Variants in SDK1 observed in about 807,000 individuals in gnomAD.
SDK1 encodes the protein sidekick cell adhesion molecule 1, also known as protein sidekick-1.
SDK1 carries 157 observed loss-of-function variants against 245.5 expected under a neutral mutation model. The observed-to-expected ratio is 0.64, with a 90% CI of 0.56 to 0.73. The LOEUF is 0.73. Among genes scored for constraint, SDK1 ranks in the 30% least tolerant of loss-of-function variants. SDK1 has a pLI of 0.00. For synonymous variants in SDK1, 1,647 were observed against 1,278.5 expected (o/e 1.29, Z -6.15); for missense variants, 3,583 against 3,002.3 (o/e 1.19, Z -4.52).
intron 9 of SDK1, among the ~76,000 whole-genome samples, chr7:3,965,857 C>T (rs972409093): frequency 2.0e-5 from 3 of 151,840 alleles, no homozygotes; most frequent in African/African-American, 4.8e-5. Context: ...TGGGGACATG[C>T]GCATTGCATG....
intron 5 of SDK1, among the ~76,000 whole-genome samples, chr7:3,904,049 G>T (rs1781882823): frequency 6.6e-6 from 1 of 152,066 alleles, no homozygotes; most frequent in Admixed American, 6.5e-5. Context: ...CATCAGAATT[G>T]TGAGCCAACT....
chr7:4,242,380 G>A (rs1786584692), intron 43 of SDK1, among the ~76,000 whole-genome samples: 1 of 152,156 alleles, frequency 6.6e-6, no homozygotes. Context: ...TCCATACACG[G>A]ATTGAGTGCA....
At chr7:3,798,754 G>A (rs552520213) in intron 4 of SDK1, among the ~76,000 whole-genome samples, 1 of 152,270 alleles carries the variant, frequency 6.6e-6, no homozygotes, top group East Asian at 1.9e-4. Flanking sequence ...CCACATGCAA[G>A]GGGAGAGTAG....
chr7:4,265,019 A>C lies in SDK1; in HGVS notation c.6382-105A>C. On this transcript the variant is annotated intron_variant, in intron 44 of 44. Coordinates refer to ENST00000404826, the MANE Select transcript of SDK1 (RefSeq NM_152744.4). Reference sequence around the variant, plus strand: ...GGTGGGGAGAGGGCTGGAGACCGCGACACACGCCCCTGGGGAGGTGCCCCC... The same window carrying C: ...GGTGGGGAGAGGGCTGGAGACCGCGCCACACGCCCCTGGGGAGGTGCCCCC... 2 of 1,495,310 alleles carry C rather than the reference A, an allele frequency of 1.3e-6. 1 individual carries two copies. The highest frequency in any genetic ancestry group is 2.6e-5 in the South Asian group (2 of 77,634). 92.6% of individuals were successfully genotyped at this position (1,495,310 alleles called of 1,614,324 possible). A position where few individuals can be genotyped will look rare whatever the true frequency, so the allele number is the denominator to read the frequency against.
intron 5 of SDK1, among the ~76,000 whole-genome samples, chr7:3,889,861 T>C (rs552039851): frequency 1.3e-5 from 2 of 152,308 alleles, no homozygotes; most frequent in African/African-American, 4.8e-5. Context: ...ACTAGTCTCC[T>C]GCTGGTCTGT....
chr7:3,895,889 T>C (rs1200169395), intron 5 of SDK1, among the ~76,000 whole-genome samples: 1 of 152,218 alleles, frequency 6.6e-6, no homozygotes, highest in Non-Finnish European at 1.5e-5. Flanking sequence ...TTGGCGATTT[T>C]CCAGATAACT....
chr7:3,994,746 C>T (rs1319306194), intron 14 of SDK1, among the ~76,000 whole-genome samples: 1 of 152,158 alleles, frequency 6.6e-6, no homozygotes, highest in Non-Finnish European at 1.5e-5. Flanking sequence ...TTACCTCATG[C>T]ATTTTTATCA....
chr7:3,400,838 A>T (rs1415121729), intron 1 of SDK1, among the ~76,000 whole-genome samples: 1 of 152,202 alleles, frequency 6.6e-6, no homozygotes, highest in African/African-American at 2.4e-5. Flanking sequence ...ACAGAGCTTT[A>T]TAAAGGAGCT....
chr7:3,732,341 C>G (rs1055866065), intron 4 of SDK1, among the ~76,000 whole-genome samples: 8 of 152,136 alleles, frequency 5.3e-5, no homozygotes, highest in Non-Finnish European at 1.0e-4. Context: ...CAAAAAACAG[C>G]CACCATGTTA....
intron 40 of SDK1, among the ~76,000 whole-genome samples, chr7:4,224,551 A>T (rs1046771504): frequency 3.3e-5 from 5 of 152,200 alleles, no homozygotes; most frequent in African/African-American, 1.2e-4. Context: ...AACACCGGGG[A>T]CGATAATTCA....
intron 22 of SDK1, among the ~76,000 whole-genome samples, chr7:4,092,259 A>T (rs1781854023): frequency 6.6e-6 from 1 of 152,228 alleles, no homozygotes; most frequent in African/African-American, 2.4e-5. Context: ...GAAACCTGCC[A>T]GCCCCTGAGG....
chr7:3,323,156 CCCT>C (rs1248971528), intron 1 of SDK1, among the ~76,000 whole-genome samples: 1 of 152,056 alleles, frequency 6.6e-6, no homozygotes, highest in Non-Finnish European at 1.5e-5. Flanking sequence ...TCTCCTAGCC[CCCT>C]TCCCCCACTC....
chr7:3,515,075 C>G (rs867992992), intron 1 of SDK1, among the ~76,000 whole-genome samples: 2 of 151,866 alleles, frequency 1.3e-5, no homozygotes, highest in African/African-American at 4.8e-5. Flanking sequence ...AGATATTCTG[C>G]GGGTAGAAGG....
intron 22 of SDK1, among the ~76,000 whole-genome samples, chr7:4,085,161 A>T (rs919301893): frequency 6.6e-6 from 1 of 152,212 alleles, no homozygotes; most frequent in African/African-American, 2.4e-5. Flanking sequence ...TTGTATTAAG[A>T]GGTTCAACCT....
chr7:3,689,271 C>T (rs1369585249), intron 4 of SDK1, among the ~76,000 whole-genome samples: 1 of 152,198 alleles, frequency 6.6e-6, no homozygotes, highest in Non-Finnish European at 1.5e-5. Flanking sequence ...TGATTCACCT[C>T]TCCCACAAAG....
intron 15 of SDK1, 113 bp from the exon 16 acceptor site, chr7:4,011,982 C>A: frequency 1.0e-6 from 1 of 970,472 alleles, no homozygotes; most frequent in Non-Finnish European, 1.4e-6. Flanking sequence ...TTCCTGAAAC[C>A]CGATTTTTGT....
rs141120476 is a variant in SDK1 at position 3,711,846 on chromosome 7, C to G, written c.713+69741C>G. On this transcript the variant is annotated intron_variant, in intron 4 of 44. Coordinates refer to ENST00000404826, the MANE Select transcript of SDK1 (RefSeq NM_152744.4). The stretch of plus-strand genomic sequence containing the variant: ...GGGGCGTTGTGATCTTTTGATTTGA[C>G]TCCTGGGAGACCAGGGAGGAGCCCT... 5.3e-3 allele frequency among the ~76,000 whole-genome samples: 809 copies of G among 152,268 alleles called. 7 individuals are homozygous for G. Among genetic ancestry groups the G allele is most frequent in the African/African-American group, 0.018 (740 of 41,538 alleles).
chr7:4,184,477 C>T (rs1782768584), intron 35 of SDK1, among the ~76,000 whole-genome samples: 1 of 152,160 alleles, frequency 6.6e-6, no homozygotes, highest in Non-Finnish European at 1.5e-5. Context: ...CAGAATGTAC[C>T]TGGCCCGGGG....
chr7:3,991,545 G>A (rs931920692), intron 14 of SDK1, among the ~76,000 whole-genome samples: 4 of 152,174 alleles, frequency 2.6e-5, no homozygotes, highest in Admixed American at 2.0e-4. Flanking sequence ...ACAGTGCCTG[G>A]CACACACAAG....
Sources: gnomAD v4.1 joint callset for allele counts (sites outside exome capture counted in the v4.1 genomes callset) on GRCh38, gnomAD v4.1.1 for gene constraint, MANE v1.5 for transcripts, NCBI Gene and HGNC (gene_info 2026-07-23, HGNC 2026-07-21) for gene names.